MATCAP2: variants seen among roughly 807,000 people sequenced by gnomAD.
The protein encoded by MATCAP2 is microtubule associated tyrosine carboxypeptidase 2, also known as putative tyrosine carboxypeptidase MATCAP2.
the MATCAP2 span, chr7:36,325,881 G>T: frequency 1.3e-5 from 2 of 151,802 alleles, no homozygotes; most frequent in Non-Finnish European, 2.9e-5. Context: ...TTTACTGCAG[G>T]TGCTACCCAT....
the MATCAP2 span, among the ~76,000 whole-genome samples, chr7:36,368,650 A>C: frequency 6.6e-6 from 1 of 152,204 alleles, no homozygotes; most frequent in South Asian, 2.1e-4. Flanking sequence ...TGAAAAAATC[A>C]GATCATGTCA....
At chr7:36,348,207 T>C in the MATCAP2 span, among the ~76,000 whole-genome samples, 1 of 152,174 alleles carries the variant, frequency 6.6e-6, no homozygotes, top group African/African-American at 2.4e-5. Flanking sequence ...AAAAGCAAGA[T>C]ACTAAATGAG....
At chr7:36,389,879 C>A in the MATCAP2 span, 59 of 1,420,506 alleles carry the variant, frequency 4.2e-5, no homozygotes, top group Non-Finnish European at 5.3e-5. Flanking sequence ...TCACTGGAAG[C>A]CGAGAGGAGA....
the MATCAP2 span, among the ~76,000 whole-genome samples, chr7:36,376,359 A>G: frequency 6.6e-6 from 1 of 152,314 alleles, no homozygotes; most frequent in South Asian, 2.1e-4. Context: ...CCCAGTAGTC[A>G]TTCAGGAGCA....
At chr7:36,334,712 CT>C in the MATCAP2 span, among the ~76,000 whole-genome samples, 1 of 151,984 alleles carries the variant, frequency 6.6e-6, no homozygotes. Flanking sequence ...TAACAATTTA[CT>C]TTTTTAAAGA....
At chr7:36,324,238 C>A in the MATCAP2 span, 364 of 152,286 alleles carry the variant, frequency 2.4e-3, 1 homozygote, top group African/African-American at 7.7e-3. Flanking sequence ...ACCTTGGCAC[C>A]GTTTCTTTTT....
At chr7:36,349,328 A>C in the MATCAP2 span, among the ~76,000 whole-genome samples, 3 of 152,250 alleles carry the variant, frequency 2.0e-5, no homozygotes, top group Admixed American at 6.5e-5. Context: ...CAATAAAAAG[A>C]AACAGACCAA....
the MATCAP2 span, chr7:36,336,150 A>G: frequency 4.6e-6 from 7 of 1,531,066 alleles, no homozygotes; most frequent in Non-Finnish European, 6.1e-6. Flanking sequence ...CTCGCAGTTC[A>G]TACCTCCCCT....
At chr7:36,327,056 T>G in the MATCAP2 span, 1 of 691,890 alleles carries the variant, frequency 1.4e-6, no homozygotes, top group Non-Finnish European at 2.4e-6. Context: ...GTAACAAAAA[T>G]CAGTGACTTA....
chr7:36,344,457 T>C, the MATCAP2 span, among the ~76,000 whole-genome samples: 40 of 152,222 alleles, frequency 2.6e-4, no homozygotes, highest in Admixed American at 4.6e-4. Flanking sequence ...CAAAGGTCAA[T>C]AGTGGTTACC....
chr7:36,387,896 A>G, the MATCAP2 span, among the ~76,000 whole-genome samples: 1 of 152,156 alleles, frequency 6.6e-6, no homozygotes, highest in South Asian at 2.1e-4. Context: ...ACACACACAG[A>G]CACGCCCCAA....
At chr7:36,355,305 G>T in the MATCAP2 span, 1 of 152,058 alleles carries the variant, frequency 6.6e-6, no homozygotes, top group East Asian at 1.9e-4. Flanking sequence ...TCCTAAAGTA[G>T]GTATTTTCTT....
the MATCAP2 span, chr7:36,355,531 T>G: frequency 6.6e-6 from 1 of 152,198 alleles, no homozygotes; most frequent in African/African-American, 2.4e-5. Context: ...CAAAGGAAAG[T>G]AAATACCATG....
the MATCAP2 span, among the ~76,000 whole-genome samples, chr7:36,351,535 G>A: frequency 6.6e-6 from 1 of 151,986 alleles, no homozygotes; most frequent in Non-Finnish European, 1.5e-5. Context: ...CTCTATTTTG[G>A]CAGAATGACC....
chr7:36,378,858 G>A, the MATCAP2 span, among the ~76,000 whole-genome samples: 6 of 152,254 alleles, frequency 3.9e-5, no homozygotes, highest in Non-Finnish European at 7.3e-5. Flanking sequence ...ATCTCGGACT[G>A]CTGTGCTAGC....
chr7:36,348,084 C>T, the MATCAP2 span, among the ~76,000 whole-genome samples: 1 of 152,126 alleles, frequency 6.6e-6, no homozygotes, highest in Non-Finnish European at 1.5e-5. Flanking sequence ...ACACGTATGG[C>T]TCCTTTGCTT....
the MATCAP2 span, among the ~76,000 whole-genome samples, chr7:36,383,003 A>C: frequency 6.6e-6 from 1 of 152,234 alleles, no homozygotes; most frequent in African/African-American, 2.4e-5. Flanking sequence ...CTATTGAATA[A>C]AGGACTTATG....
At chr7:36,367,404 G>A in the MATCAP2 span, 2 of 935,088 alleles carry the variant, frequency 2.1e-6, no homozygotes, top group Non-Finnish European at 2.6e-6. Flanking sequence ...GTGCCCGCGA[G>A]CGCGCTGGGG....
the MATCAP2 span, among the ~76,000 whole-genome samples, chr7:36,380,625 A>G: frequency 6.6e-6 from 1 of 152,248 alleles, no homozygotes; most frequent in East Asian, 1.9e-4. Context: ...AAGAGACCCA[A>G]GAAAGGACGA....
Sources: gnomAD v4.1 joint callset for allele counts (sites outside exome capture counted in the v4.1 genomes callset) on GRCh38, gnomAD v4.1.1 for gene constraint, MANE v1.5 for transcripts, NCBI Gene and HGNC (gene_info 2026-07-23, HGNC 2026-07-21) for gene names.